RBMS3: variants seen among roughly 807,000 people sequenced by gnomAD.
RBMS3 encodes the protein RNA binding motif single stranded interacting protein 3, also known as RNA-binding motif, single-stranded-interacting protein 3.
RBMS3 carries 27 observed loss-of-function variants against 66.8 expected under a neutral mutation model. That is an observed-to-expected ratio of 0.40 (90% CI 0.30 to 0.56). The LOEUF (loss-of-function observed/expected upper bound fraction) is 0.56, where lower values mean the gene tolerates loss of function less well. RBMS3 is among the 20% of genes least tolerant of loss of function. RBMS3 has a pLI of 0.40. For synonymous variants in RBMS3, 188 were observed against 183.0 expected, an observed-to-expected ratio of 1.03 and a Z score of -0.22; for missense variants, 513 against 549.5, an observed-to-expected ratio of 0.93 and a Z score of 0.66.
At chr3:29,357,055 A>T (rs185064943) in intron 1 of RBMS3, among the ~76,000 whole-genome samples, 1 of 151,842 alleles carries the variant, frequency 6.6e-6, no homozygotes, top group Admixed American at 6.6e-5. Flanking sequence ...TTATATATAT[A>T]TTTTTTATTA....
intron 1 of RBMS3, among the ~76,000 whole-genome samples, chr3:29,428,804 G>T (rs950805692): frequency 8.5e-5 from 13 of 152,150 alleles, no homozygotes; most frequent in African/African-American, 2.9e-4. Context: ...GAACCCACTT[G>T]TTTGACAGTA....
intron 3 of RBMS3, among the ~76,000 whole-genome samples, chr3:29,500,931 T>G (rs1379764797): frequency 6.6e-6 from 1 of 152,122 alleles, no homozygotes; most frequent in Non-Finnish European, 1.5e-5. Context: ...TATATAAAGA[T>G]TTACCTAAAA....
At chr3:29,400,210 T>C (rs2039745893) in intron 1 of RBMS3, among the ~76,000 whole-genome samples, 1 of 152,168 alleles carries the variant, frequency 6.6e-6, no homozygotes, top group South Asian at 2.1e-4. Context: ...GGCATATTTA[T>C]GGGCCACTTA....
At chr3:29,330,471 A>T (rs928888887) in intron 1 of RBMS3, among the ~76,000 whole-genome samples, 2 of 152,180 alleles carry the variant, frequency 1.3e-5, no homozygotes, top group Non-Finnish European at 2.9e-5. Flanking sequence ...AGAGCCCTAC[A>T]GTGAAATACA....
chr3:29,764,263 A>G (rs1576735258), intron 6 of RBMS3, among the ~76,000 whole-genome samples: 1 of 152,092 alleles, frequency 6.6e-6, no homozygotes, highest in Non-Finnish European at 1.5e-5. Flanking sequence ...TTCCATGTGT[A>G]ACGTTCCCTT....
intron 4 of RBMS3, among the ~76,000 whole-genome samples, chr3:29,622,651 T>G (rs1174185975): frequency 6.6e-6 from 1 of 152,176 alleles, no homozygotes; most frequent in African/African-American, 2.4e-5. Context: ...CTTAGGTGAA[T>G]AGTAAGTGCC....
intron 4 of RBMS3, among the ~76,000 whole-genome samples, chr3:29,633,571 C>A (rs1467382135): frequency 6.6e-6 from 1 of 151,804 alleles, no homozygotes; most frequent in African/African-American, 2.4e-5. Context: ...CTTTTTAGGG[C>A]TTCCAGCTTG....
intron 1 of RBMS3, among the ~76,000 whole-genome samples, chr3:29,365,085 A>G (rs1380659022): frequency 6.6e-6 from 1 of 152,158 alleles, no homozygotes; most frequent in African/African-American, 2.4e-5. Flanking sequence ...TTAGGATGTG[A>G]CTACAGGTTC....
chr3:29,717,864 T>C (rs1397119018), intron 4 of RBMS3, among the ~76,000 whole-genome samples: 1 of 152,150 alleles, frequency 6.6e-6, no homozygotes, highest in Non-Finnish European at 1.5e-5. Context: ...CTTTTCTGCA[T>C]CCTTAACATC....
intron 1 of RBMS3, among the ~76,000 whole-genome samples, chr3:29,321,946 T>A (rs375298531): frequency 1.4e-5 from 2 of 140,320 alleles, no homozygotes; most frequent in Admixed American, 1.4e-4. Context: ...TTTAATTCAA[T>A]GATTTTTCAA....
chr3:29,380,215 C>CACAT (rs1263770732), intron 1 of RBMS3, among the ~76,000 whole-genome samples: 1 of 79,200 alleles, frequency 1.3e-5, no homozygotes, highest in Non-Finnish European at 2.5e-5. Flanking sequence ...GGGAATCTCA[C>CACAT]ACACACACAC....
At chr3:29,825,952 T>A (rs901182202) in intron 6 of RBMS3, among the ~76,000 whole-genome samples, 1 of 152,194 alleles carries the variant, frequency 6.6e-6, no homozygotes, top group Non-Finnish European at 1.5e-5. Context: ...GTAGTAAACA[T>A]CCAGTGTTTC....
chr3:29,782,349 T>C (rs2056665612), intron 6 of RBMS3, among the ~76,000 whole-genome samples: 1 of 152,190 alleles, frequency 6.6e-6, no homozygotes, highest in Non-Finnish European at 1.5e-5. Flanking sequence ...ATGGATCATA[T>C]CACAAGACTC....
chr3:29,904,262 A>G (rs2060323413), intron 10 of RBMS3, among the ~76,000 whole-genome samples: 1 of 152,002 alleles, frequency 6.6e-6, no homozygotes. Flanking sequence ...TCCACCTAGG[A>G]TCCCTTCATT....
At chr3:29,334,910 A>T (rs1309832582) in intron 1 of RBMS3, among the ~76,000 whole-genome samples, 1 of 152,198 alleles carries the variant, frequency 6.6e-6, no homozygotes, top group African/African-American at 2.4e-5. Context: ...TCCAGTATCA[A>T]ATTGAATGCT....
At chr3:29,544,177 C>T (rs1005888313) in intron 3 of RBMS3, among the ~76,000 whole-genome samples, 1 of 151,976 alleles carries the variant, frequency 6.6e-6, no homozygotes, top group African/African-American at 2.4e-5. Flanking sequence ...TTGTAAAAGA[C>T]AAAAGGTTAA....
chr3:29,765,935 A>C (rs1224574785), intron 6 of RBMS3: 1 of 155,916 alleles, frequency 6.4e-6, no homozygotes, highest in Non-Finnish European at 1.4e-5. Context: ...TCCCATTTTA[A>C]AATGATCAGA....
chr3:29,796,221 C>T (rs1559680356), intron 6 of RBMS3, among the ~76,000 whole-genome samples: 1 of 152,174 alleles, frequency 6.6e-6, no homozygotes, highest in African/African-American at 2.4e-5. Context: ...TTCTCTGCCT[C>T]CCAAAGTACT....
At chr3:29,533,417 G>A (rs182774752) in intron 3 of RBMS3, among the ~76,000 whole-genome samples, 3 of 152,280 alleles carry the variant, frequency 2.0e-5, no homozygotes, top group Admixed American at 2.0e-4. Flanking sequence ...AGGAGTTTGA[G>A]GCTGCAGTGA....
Sources: allele counts gnomAD v4.1 joint callset (sites outside exome capture counted in the v4.1 genomes callset), GRCh38; gene constraint gnomAD v4.1.1; transcripts MANE v1.5; gene names NCBI Gene and HGNC (gene_info 2026-07-23, HGNC 2026-07-21).